SLC44A1: variants seen among roughly 807,000 people sequenced by gnomAD.
The protein encoded by SLC44A1 is solute carrier family 44 member 1.
Under a neutral mutation model 79.3 loss-of-function variants are expected in SLC44A1, and 26 were observed. That is an observed-to-expected ratio of 0.33 (90% CI 0.24 to 0.46). The LOEUF is 0.46. Ranked by LOEUF, SLC44A1 falls within the 20% of genes least tolerant of loss-of-function variation. The pLI is 1.00. For missense variants in SLC44A1, 688 were observed against 798.1 expected, an observed-to-expected ratio of 0.86 and a Z score of 1.66; for synonymous variants, 263 against 286.2, an observed-to-expected ratio of 0.92 and a Z score of 0.82.
chr9:105,264,442 C>T (rs1829913128), intron 1 of SLC44A1, among the ~76,000 whole-genome samples: 1 of 152,238 alleles, frequency 6.6e-6, no homozygotes, highest in Admixed American at 6.5e-5. Flanking sequence ...GCAGGGATTA[C>T]AGGCGTGAGC....
At chr9:105,256,213 T>C (rs1037082248) in intron 1 of SLC44A1, among the ~76,000 whole-genome samples, 5 of 151,984 alleles carry the variant, frequency 3.3e-5, no homozygotes, top group African/African-American at 1.2e-4. Flanking sequence ...AGTTTTGCCA[T>C]GTTGCCCAGG....
At chr9:105,404,366 G>GA (rs1233410315) in intron 15 of SLC44A1, among the ~76,000 whole-genome samples, 2 of 152,112 alleles carry the variant, frequency 1.3e-5, no homozygotes, top group Non-Finnish European at 2.9e-5. Context: ...AGTGAAGCGT[G>GA]AATCTCCAGG....
chr9:105,421,876 C>A (rs1029234400), intron 15 of SLC44A1, among the ~76,000 whole-genome samples: 5 of 152,162 alleles, frequency 3.3e-5, no homozygotes, highest in Non-Finnish European at 7.4e-5. Flanking sequence ...CGTGAGCCAC[C>A]GCGCCCAGCC....
intron 15 of SLC44A1, among the ~76,000 whole-genome samples, chr9:105,411,833 A>G (rs914988302): frequency 2.6e-4 from 40 of 152,132 alleles, no homozygotes; most frequent in African/African-American, 9.4e-4. Flanking sequence ...GAGGCACATG[A>G]TCTCGTTTGT....
chr9:105,409,799 G>A (rs1231912999), intron 15 of SLC44A1, among the ~76,000 whole-genome samples: 1 of 152,150 alleles, frequency 6.6e-6, no homozygotes, highest in East Asian at 1.9e-4. Flanking sequence ...TTTTCAAAAT[G>A]GATAGAATAA....
intron 12 of SLC44A1, among the ~76,000 whole-genome samples, chr9:105,367,003 A>G (rs1200073321): frequency 2.6e-5 from 4 of 152,076 alleles, no homozygotes; most frequent in Non-Finnish European, 5.9e-5. Flanking sequence ...TATCAAAGGA[A>G]GTACTACTTA....
At chr9:105,311,065 G>C (rs1352768257) in intron 3 of SLC44A1, among the ~76,000 whole-genome samples, 1 of 152,202 alleles carries the variant, frequency 6.6e-6, no homozygotes, top group African/African-American at 2.4e-5. Context: ...TATCCATTGA[G>C]AGAAGTGAAA....
Position 105,389,951 on chromosome 9 carries a change from T to G in SLC44A1, c.*895T>G. ...AAAGAAGGGACAGAAACATGGAACA[T>G]AAAGCATTGAAAATTCCGGTGCTTG... On this transcript the variant is annotated 3_prime_UTR_variant, in exon 16 of 16. Coordinates refer to ENST00000374720, the MANE Select transcript of SLC44A1 (RefSeq NM_080546.5). 1 of 1,498,142 alleles carries G rather than the reference T, an allele frequency of 6.7e-7. No homozygotes were observed. The highest frequency in any genetic ancestry group is 8.9e-7 in the Non-Finnish European group (1 of 1,125,884). The allele number at this position is 1,498,142 out of a possible 1,614,324, so 92.8% of individuals were successfully genotyped here. A position where few individuals can be genotyped will look rare whatever the true frequency, so the allele number is the denominator to read the frequency against.
rs1179447366 is a variant in SLC44A1, at chr9:105,393,224, T to C, written c.*4168T>C. 4 of 985,322 alleles carry C rather than the reference T, an allele frequency of 4.1e-6. No individual in the cohort carries two copies. In the African/African-American group the frequency reaches 7.0e-5, roughly 17 times the overall value. 61.0% of individuals were successfully genotyped at this position (985,322 alleles called of 1,614,324 possible). On this transcript the variant is annotated 3_prime_UTR_variant, in exon 16 of 16. Transcript: ENST00000374720. ...TGCTTTAAATGCATATTCATGTATC[T>C]TTGTGTGCTAAGAATGCATGTTAGC...
chr9:105,327,083 G>C (rs1826602400), intron 3 of SLC44A1, among the ~76,000 whole-genome samples: 2 of 152,072 alleles, frequency 1.3e-5, no homozygotes, highest in South Asian at 2.1e-4. Context: ...CAGTCATAAA[G>C]TTTTCTTCAT....
chr9:105,394,094 T>A lies in SLC44A1; in HGVS notation c.*5038T>A, dbSNP rs147693084. 193 of 985,402 alleles carry A rather than the reference T, an allele frequency of 2.0e-4. No homozygotes were observed. The highest frequency in any genetic ancestry group is 1.9e-4 in the South Asian group (4 of 21,284). 61.0% of individuals were successfully genotyped at this position (985,402 alleles called of 1,614,324 possible). ...ACATGTCTGTGAACACTCAAAATGC[T>A]CATAGAATTTCAGGGCCCTCAGACG... On this transcript the variant is annotated 3_prime_UTR_variant, in exon 16 of 16. Transcript: ENST00000374720.
At chr9:105,295,820 A>C (rs1279464924) in intron 1 of SLC44A1, among the ~76,000 whole-genome samples, 1 of 152,162 alleles carries the variant, frequency 6.6e-6, no homozygotes, top group Non-Finnish European at 1.5e-5. Flanking sequence ...TGATTATTTA[A>C]CTTCTGAGCC....
intron 15 of SLC44A1, chr9:105,386,378 ATAAT>A (rs1396873707): frequency 8.3e-6 from 8 of 968,340 alleles, no homozygotes; most frequent in Non-Finnish European, 9.8e-6. Flanking sequence ...GCATCCTTAA[ATAAT>A]TTTAAACAAT....
chr9:105,409,404 G>A (rs1222581756), intron 15 of SLC44A1, among the ~76,000 whole-genome samples: 2 of 152,200 alleles, frequency 1.3e-5, no homozygotes, highest in South Asian at 2.1e-4. Context: ...ACATATGTGG[G>A]CCAAGTGCAG....
intron 15 of SLC44A1, among the ~76,000 whole-genome samples, chr9:105,424,948 CAA>C (rs200345209): frequency 9.4e-5 from 9 of 96,078 alleles, no homozygotes; most frequent in Non-Finnish European, 1.3e-4. Context: ...GACTCCATCT[CAA>C]AAAAAAAAAA....
chr9:105,356,497 A>T, intron 6 of SLC44A1, 116 bp downstream of exon 6: 1 of 619,860 alleles, frequency 1.6e-6, no homozygotes, highest in Non-Finnish European at 2.8e-6. Context: ...AACTTCCCAT[A>T]GCCAAAATCA....
At chr9:105,308,210 C>A (rs1457064134) in intron 2 of SLC44A1, among the ~76,000 whole-genome samples, 1 of 152,172 alleles carries the variant, frequency 6.6e-6, no homozygotes, top group Non-Finnish European at 1.5e-5. Context: ...GACCCCAAAG[C>A]CCACCATCTT....
intron 15 of SLC44A1, among the ~76,000 whole-genome samples, chr9:105,408,211 A>C (rs185216134): frequency 6.6e-6 from 1 of 152,296 alleles, no homozygotes; most frequent in African/African-American, 2.4e-5. Flanking sequence ...TTCTCATACA[A>C]ACAAAAGTTG....
chr9:105,392,118 A>G lies in SLC44A1; in HGVS notation c.*3062A>G, dbSNP rs1277702799. 2.0e-6 allele frequency: 2 copies of G among 985,342 alleles called. No individual in the cohort carries two copies. The highest frequency in any genetic ancestry group is 1.2e-6 in the Non-Finnish European group (1 of 829,924). The allele number at this position is 985,342 out of a possible 1,614,324, so 61.0% of individuals were successfully genotyped here. On this transcript the variant is annotated 3_prime_UTR_variant, in exon 16 of 16. Transcript: ENST00000374720. The stretch of plus-strand genomic sequence containing the variant: ...GTGCATTAGTAATAAAACATTAGCA[A>G]TTTAGCTAGAGCACTGAGATTGTAT...
Sources: allele counts gnomAD v4.1 joint callset (sites outside exome capture counted in the v4.1 genomes callset), GRCh38; gene constraint gnomAD v4.1.1; transcripts MANE v1.5; gene names NCBI Gene and HGNC (gene_info 2026-07-23, HGNC 2026-07-21).